BMPR1B: variants seen among roughly 807,000 people sequenced by gnomAD.
BMPR1B encodes bone morphogenetic protein receptor type-1B.
A neutral mutation model predicts 59.1 loss-of-function variants in BMPR1B; 12 were observed. That is an observed-to-expected ratio of 0.20 (90% CI 0.13 to 0.33). The LOEUF (loss-of-function observed/expected upper bound fraction) is 0.33. BMPR1B is among the 10% of genes least tolerant of loss of function. BMPR1B has a pLI of 1.00. For synonymous variants in BMPR1B, 237 were observed against 207.3 expected (o/e 1.14, Z -1.23); for missense variants, 550 against 610.9 (o/e 0.90, Z 1.05).
Position 94,964,655 on chromosome 4 carries a change from A to T in BMPR1B, c.-112-31385A>T, listed in dbSNP as rs567663471. ...ATGCCATTTCTCCTTCTAAGTCTCCACTAGGATTTGTTGAATCCCTAGGGC... is the reference window on the plus strand; with the variant it reads ...ATGCCATTTCTCCTTCTAAGTCTCCTCTAGGATTTGTTGAATCCCTAGGGC... On this transcript the variant is annotated intron_variant, in intron 2 of 12. Transcript: ENST00000515059. 5.4e-4 allele frequency among the ~76,000 whole-genome samples: 82 copies of T among 152,280 alleles called. No homozygotes were observed. In the South Asian group the frequency reaches 0.011, roughly 20 times the overall value.
At chr4:95,099,903 C>T (rs972722273) in intron 3 of BMPR1B, among the ~76,000 whole-genome samples, 3 of 152,172 alleles carry the variant, frequency 2.0e-5, no homozygotes, top group African/African-American at 4.8e-5. Flanking sequence ...TCCCATCTCT[C>T]GTCTGTATAA....
At chr4:95,017,664 T>G (rs1207223570) in intron 3 of BMPR1B, among the ~76,000 whole-genome samples, 2 of 152,230 alleles carry the variant, frequency 1.3e-5, no homozygotes, top group Non-Finnish European at 2.9e-5. Flanking sequence ...CTAAAAACTT[T>G]CCTTTAAGCC....
Position 94,844,688 on chromosome 4 carries a change from C to T in BMPR1B, c.-182-31143C>T, listed in dbSNP as rs73836112. On this transcript the variant is annotated intron_variant, in intron 1 of 12. Transcript: ENST00000515059. ...TGACTTCCCCCCGCTGCCCCGCTCC[C>T]CGCCCCAGATTGTTTCACATACAAT... 5.3e-3 allele frequency among the ~76,000 whole-genome samples: 800 copies of T among 152,304 alleles called. 7 individuals carry two copies. The highest frequency in any genetic ancestry group is 0.018 in the African/African-American group (755 of 41,566).
intron 2 of BMPR1B, among the ~76,000 whole-genome samples, chr4:94,950,807 T>C (rs189780045): frequency 6.6e-6 from 1 of 152,146 alleles, no homozygotes; most frequent in Non-Finnish European, 1.5e-5. Context: ...TTTAAAGTAG[T>C]TTTCTCTAAT....
chr4:95,085,699 T>C (rs1439368010), intron 3 of BMPR1B, among the ~76,000 whole-genome samples: 1 of 152,172 alleles, frequency 6.6e-6, no homozygotes, highest in Non-Finnish European at 1.5e-5. Context: ...AGCAAAGTTA[T>C]CAGCCAGTCT....
At chr4:94,769,272 G>T (rs1205727108) in intron 1 of BMPR1B, among the ~76,000 whole-genome samples, 1 of 152,206 alleles carries the variant, frequency 6.6e-6, no homozygotes, top group Non-Finnish European at 1.5e-5. Flanking sequence ...TGTAAAGTGT[G>T]TCAAAGAGAT....
Position 94,911,477 on chromosome 4 carries a change from A to G in BMPR1B, c.-113+35577A>G, listed in dbSNP as rs958210327. 6.1e-4 allele frequency among the ~76,000 whole-genome samples: 93 copies of G among 152,136 alleles called. 1 individual carries two copies. The highest frequency in any genetic ancestry group is 2.1e-3 in the African/African-American group (88 of 41,450). ...ACAAGATACAGTGTATTTAAGAACT[A>G]CAAGCAACTTGATTTTCCCAGAGTT... On this transcript the variant is annotated intron_variant, in intron 2 of 12. Coordinates refer to ENST00000515059, the MANE Select transcript of BMPR1B (RefSeq NM_001203.3).
intron 1 of BMPR1B, among the ~76,000 whole-genome samples, chr4:94,770,039 A>C (rs964883696): frequency 1.3e-5 from 2 of 152,106 alleles, no homozygotes; most frequent in Non-Finnish European, 2.9e-5. Flanking sequence ...GGGTATGTAG[A>C]GTCTTCACAT....
In BMPR1B at chr4:95,084,966, C is replaced by A. The variant is rs1057485443; in HGVS notation, c.-17-19442C>A. Reference sequence around the variant, plus strand: ...CTTGGAGTGTAGTTATCCTGTTACACGTGTGACTTGGCCTATTGAAAGAGC... The same window carrying A: ...CTTGGAGTGTAGTTATCCTGTTACAAGTGTGACTTGGCCTATTGAAAGAGC... On this transcript the variant is annotated intron_variant, in intron 3 of 12. Coordinates refer to ENST00000515059, the MANE Select transcript of BMPR1B (RefSeq NM_001203.3). Among the ~76,000 whole-genome samples the A allele has an allele frequency of 5.9e-5, 9 of 152,220 alleles. 1 individual carries two copies. The East Asian group carries it at 1.7e-3, about 30-fold the overall frequency.
rs182879873 is a variant in BMPR1B, at chr4:95,087,245, C to T, written c.-17-17163C>T. 1.8e-3 allele frequency among the ~76,000 whole-genome samples: 268 copies of T among 152,118 alleles called. 2 individuals carry two copies. Among genetic ancestry groups the T allele is most frequent in the Non-Finnish European group, 2.9e-3 (199 of 67,980 alleles). ...GTTTGGCCATGTTGGCCAGGCTGGT[C>T]ACGAACTTTGTCTCATATCCTTCTA... is the stretch of plus-strand genomic sequence containing the variant. On this transcript the variant is annotated intron_variant, in intron 3 of 12. Transcript: ENST00000515059.
At chr4:94,823,469 G>T (rs1724275943) in intron 1 of BMPR1B, among the ~76,000 whole-genome samples, 1 of 152,142 alleles carries the variant, frequency 6.6e-6, no homozygotes, top group Non-Finnish European at 1.5e-5. Context: ...TTGGGGAGCT[G>T]TGCCCTCATT....
intron 3 of BMPR1B, among the ~76,000 whole-genome samples, chr4:95,020,544 G>T (rs572688064): frequency 1.3e-5 from 2 of 148,230 alleles, no homozygotes; most frequent in Non-Finnish European, 3.0e-5. Context: ...GCGCCACTGC[G>T]CTCCAGACTG....
chr4:94,907,215 C>T (rs1159243776), intron 2 of BMPR1B, among the ~76,000 whole-genome samples: 1 of 152,040 alleles, frequency 6.6e-6, no homozygotes, highest in Non-Finnish European at 1.5e-5. Context: ...TTCTGACACA[C>T]TCCTTTCATG....
intron 3 of BMPR1B, among the ~76,000 whole-genome samples, chr4:95,062,892 A>G (rs1727505340): frequency 1.3e-5 from 2 of 152,060 alleles, no homozygotes; most frequent in Admixed American, 1.3e-4. Context: ...GTAAATACTG[A>G]CTTTGGTTTT....
At chr4:94,769,924 C>G (rs1017118100) in intron 1 of BMPR1B, among the ~76,000 whole-genome samples, 2 of 152,160 alleles carry the variant, frequency 1.3e-5, no homozygotes, top group Non-Finnish European at 1.5e-5. Context: ...ATTTTAGCTT[C>G]TTTTCTTCAC....
intron 1 of BMPR1B, among the ~76,000 whole-genome samples, chr4:94,764,035 T>C (rs1196262679): frequency 6.6e-6 from 1 of 152,176 alleles, no homozygotes; most frequent in Non-Finnish European, 1.5e-5. Flanking sequence ...TTTCTTCCAC[T>C]GTTTCTTTTG....
At chr4:94,934,518 T>C (rs1729216317) in intron 2 of BMPR1B, among the ~76,000 whole-genome samples, 1 of 143,484 alleles carries the variant, frequency 7.0e-6, no homozygotes, top group Admixed American at 7.1e-5. Context: ...GGCAGCATAG[T>C]TAAGCGTTAG....
rs192608404 is a variant in BMPR1B at position 94,859,437 on chromosome 4, G to A, written c.-182-16394G>A. On this transcript the variant is annotated intron_variant, in intron 1 of 12. Coordinates refer to ENST00000515059, the MANE Select transcript of BMPR1B (RefSeq NM_001203.3). ...GGGAGGCTTTTAATAGTGGAGTCAAGAAACCAGTTTTATTTTGTTTACTAT... is the reference window on the plus strand; with the variant it reads ...GGGAGGCTTTTAATAGTGGAGTCAAAAAACCAGTTTTATTTTGTTTACTAT... Among the ~76,000 whole-genome samples, 480 of 152,242 alleles carry A rather than the reference G, an allele frequency of 3.2e-3. 3 individuals are homozygous for A. The highest frequency in any genetic ancestry group is 6.8e-3 in the Middle Eastern group (2 of 294).
intron 3 of BMPR1B, among the ~76,000 whole-genome samples, chr4:95,031,795 C>T (rs1724879079): frequency 6.6e-6 from 1 of 152,038 alleles, no homozygotes; most frequent in African/African-American, 2.4e-5. Context: ...GACAGGGTGG[C>T]TCACTCCTGT....
Sources: allele counts gnomAD v4.1 joint callset (sites outside exome capture counted in the v4.1 genomes callset), GRCh38; gene constraint gnomAD v4.1.1; transcripts MANE v1.5; gene names NCBI Gene and HGNC (gene_info 2026-07-23, HGNC 2026-07-21).